Variants in CRPPA observed in about 807,000 individuals in gnomAD.
CRPPA encodes D-ribitol-5-phosphate cytidylyltransferase.
A neutral mutation model predicts 52.0 loss-of-function variants in CRPPA; 43 were observed. That is an observed-to-expected ratio of 0.83 (90% CI 0.65 to 1.07). CRPPA has a LOEUF of 1.07. Ranked by LOEUF, CRPPA falls within the 50% of genes least tolerant of loss-of-function variation. The pLI is 0.00. For synonymous variants in CRPPA, 250 were observed against 203.5 expected (o/e 1.23, Z -1.94); for missense variants, 629 against 551.7 (o/e 1.14, Z -1.40).
intron 9 of CRPPA, among the ~76,000 whole-genome samples, chr7:16,143,905 G>A (rs533029669): frequency 3.4e-4 from 52 of 152,216 alleles, no homozygotes; most frequent in African/African-American, 1.1e-3. Flanking sequence ...TCAAAAAAAC[G>A]GAATTAGAAT....
chr7:16,226,276 T>A (rs1350937138), intron 8 of CRPPA, among the ~76,000 whole-genome samples: 1 of 151,920 alleles, frequency 6.6e-6, no homozygotes, highest in Non-Finnish European at 1.5e-5. Context: ...TATGAAGAAC[T>A]GTGCTAAGAA....
intron 6 of CRPPA, among the ~76,000 whole-genome samples, chr7:16,265,524 G>A (rs1274955059): frequency 6.6e-6 from 1 of 152,138 alleles, no homozygotes; most frequent in Non-Finnish European, 1.5e-5. Context: ...AACAACTACT[G>A]TTCTAGGAAG....
chr7:16,114,901 T>G (rs1020440276), intron 9 of CRPPA, among the ~76,000 whole-genome samples: 1 of 152,106 alleles, frequency 6.6e-6, no homozygotes, highest in Non-Finnish European at 1.5e-5. Context: ...TTAATAAATG[T>G]ATAGTTATTA....
At chr7:16,338,243 C>G (rs1318253821) in intron 3 of CRPPA, among the ~76,000 whole-genome samples, 2 of 151,980 alleles carry the variant, frequency 1.3e-5, no homozygotes, top group African/African-American at 4.8e-5. Flanking sequence ...TCAACATAGG[C>G]AAAACAATAA....
intron 2 of CRPPA, among the ~76,000 whole-genome samples, chr7:16,383,842 G>C (rs370447910): frequency 6.6e-6 from 1 of 152,178 alleles, no homozygotes; most frequent in East Asian, 1.9e-4. Flanking sequence ...TTTTAAGCCC[G>C]TCGGAAAAGC....
chr7:16,144,927 G>A (rs1466468028), intron 9 of CRPPA, among the ~76,000 whole-genome samples: 2 of 152,168 alleles, frequency 1.3e-5, no homozygotes, highest in African/African-American at 4.8e-5. Context: ...ACTCGGCAGT[G>A]ATACCTATAG....
intron 1 of CRPPA, 74 bp from the exon 2 acceptor site, chr7:16,406,411 A>G (rs1268121838): frequency 7.7e-7 from 1 of 1,299,620 alleles, no homozygotes; most frequent in African/African-American, 1.5e-5. Context: ...AAATTGAATC[A>G]CTAGTATTGG....
At chr7:16,222,031 G>T (rs1346588025) in intron 8 of CRPPA, among the ~76,000 whole-genome samples, 2 of 150,824 alleles carry the variant, frequency 1.3e-5, no homozygotes, top group African/African-American at 2.4e-5. Context: ...CAATAGCAAA[G>T]ACTTGGAACC....
chr7:16,125,897 A>G (rs1411747597), intron 9 of CRPPA, among the ~76,000 whole-genome samples: 1 of 45,888 alleles, frequency 2.2e-5, no homozygotes, highest in Non-Finnish European at 5.6e-5. Context: ...CTACACACAC[A>G]CACACACACA....
intron 9 of CRPPA, among the ~76,000 whole-genome samples, chr7:16,137,408 A>G (rs180956638): frequency 6.6e-6 from 1 of 152,376 alleles, no homozygotes; most frequent in African/African-American, 2.4e-5. Flanking sequence ...ACACCTCAGG[A>G]AAGAAGTAGA....
chr7:16,327,878 A>T (rs978929882), intron 3 of CRPPA, among the ~76,000 whole-genome samples: 1 of 152,172 alleles, frequency 6.6e-6, no homozygotes. Flanking sequence ...GTGGAAATAC[A>T]CATCTGATCT....
chr7:16,194,669 A>G (rs1781691022), intron 9 of CRPPA, among the ~76,000 whole-genome samples: 2 of 152,148 alleles, frequency 1.3e-5, no homozygotes, highest in Non-Finnish European at 1.5e-5. Flanking sequence ...TTCTTACACA[A>G]ACCAATTGAA....
At chr7:16,164,825 T>C (rs565664755) in intron 9 of CRPPA, among the ~76,000 whole-genome samples, 2 of 152,276 alleles carry the variant, frequency 1.3e-5, no homozygotes, top group South Asian at 4.1e-4. Context: ...GCCCACGTAT[T>C]GCCAGCAGAG....
At chr7:16,230,868 C>T (rs1188149848) in intron 8 of CRPPA, among the ~76,000 whole-genome samples, 1 of 152,038 alleles carries the variant, frequency 6.6e-6, no homozygotes, top group African/African-American at 2.4e-5. Flanking sequence ...TGGAACTGGC[C>T]AGAAGCGAGG....
chr7:16,345,200 T>C (rs1389592473), intron 3 of CRPPA, among the ~76,000 whole-genome samples: 2 of 152,156 alleles, frequency 1.3e-5, no homozygotes, highest in East Asian at 1.9e-4. Context: ...TGGGGGATGA[T>C]GTTCAAAGAG....
intron 9 of CRPPA, among the ~76,000 whole-genome samples, chr7:16,199,748 T>C (rs1781807727): frequency 6.6e-6 from 1 of 152,120 alleles, no homozygotes; most frequent in African/African-American, 2.4e-5. Flanking sequence ...AATTCCTTAA[T>C]GGTGTTTCTG....
At position 16,134,017 on chromosome 7, in the gene CRPPA, C is replaced by T. The variant is rs558048314; in HGVS notation, c.1252-42218G>A. Among the ~76,000 whole-genome samples, 4 of 123,780 alleles carry T rather than the reference C, an allele frequency of 3.2e-5. 1 individual carries two copies. The highest frequency in any genetic ancestry group is 7.8e-5 in the African/African-American group (3 of 38,234). 81.2% of individuals were successfully genotyped at this position (123,780 alleles called of 152,430 possible). On this transcript the variant is annotated intron_variant, in intron 9 of 9. Coordinates refer to ENST00000407010, the MANE Select transcript of CRPPA (RefSeq NM_001101426.4). Reference sequence around the variant, plus strand: ...CGCAATCTCGGCTCACTGTAAGCTCCGCTTCCCGGGTTCACGCCATTCTCC... The same window carrying T: ...CGCAATCTCGGCTCACTGTAAGCTCTGCTTCCCGGGTTCACGCCATTCTCC...
intron 1 of CRPPA, among the ~76,000 whole-genome samples, chr7:16,408,115 A>AAT (rs1554364813): frequency 1.3e-3 from 197 of 150,708 alleles, no homozygotes; most frequent in African/African-American, 4.6e-3. Context: ...CTTTAAAAAA[A>AAT]AAAAAATAAA....
chr7:16,270,157 G>C (rs1425915725), intron 6 of CRPPA: 1 of 152,060 alleles, frequency 6.6e-6, no homozygotes, highest in Non-Finnish European at 1.5e-5. Flanking sequence ...CCAAAAATTG[G>C]TGGTGGCTGG....
Sources: gnomAD v4.1 joint callset for allele counts (sites outside exome capture counted in the v4.1 genomes callset) on GRCh38, gnomAD v4.1.1 for gene constraint, MANE v1.5 for transcripts, NCBI Gene and HGNC (gene_info 2026-07-23, HGNC 2026-07-21) for gene names.